The following PIK3CB variants were observed in gnomAD, a reference collection of about 807,000 sequenced individuals.
PIK3CB encodes phosphatidylinositol-4,5-bisphosphate 3-kinase catalytic subunit beta.
A neutral mutation model predicts 136.8 loss-of-function variants in PIK3CB; 39 were observed. That is an observed-to-expected ratio of 0.29 (90% confidence interval 0.22 to 0.37). The LOEUF is 0.37. Ranked by LOEUF, PIK3CB falls within the 10% of genes least tolerant of loss-of-function variation. PIK3CB has a pLI of 1.00. For synonymous variants in PIK3CB, 428 were observed against 436.6 expected, an observed-to-expected ratio of 0.98 and a Z score of 0.25; for missense variants, 868 against 1,275.4, an observed-to-expected ratio of 0.68 and a Z score of 4.87.
At chr3:138,767,931 C>A (rs536658065) in intron 2 of PIK3CB, among the ~76,000 whole-genome samples, 2 of 152,164 alleles carry the variant, frequency 1.3e-5, no homozygotes, top group African/African-American at 4.8e-5. Flanking sequence ...GCCTGCAATG[C>A]GATGAACAAA....
At chr3:138,724,634 C>T (rs2044799487) in intron 8 of PIK3CB, among the ~76,000 whole-genome samples, 2 of 152,120 alleles carry the variant, frequency 1.3e-5, no homozygotes, top group Admixed American at 1.3e-4. Context: ...TGTAAGTCTC[C>T]ATTCATCTTG....
chr3:138,656,147 G>A lies in PIK3CB; in HGVS notation c.3070C>T (p.Leu1024Phe). 6.2e-7 allele frequency: 1 copy of A among 1,614,066 alleles called. No homozygotes were observed. Among genetic ancestry groups the A allele is most frequent in the Non-Finnish European group, 8.5e-7 (1 of 1,179,984 alleles). Residue 1024 changes from leucine to phenylalanine, a missense_variant, in exon 23 of 24, where the codon CTT (leucine) becomes TTT (phenylalanine). Transcript: ENST00000674063. ...ELTSVKDIQY[L>F]KDSLALGKSE... is the part of the protein sequence containing the mutation. ...AAGGAAAAGTGGTTTTATACCTTAAGATACTGTATATCTTTGACTGATGTG... is the reference window on the plus strand; with the variant it reads ...AAGGAAAAGTGGTTTTATACCTTAAAATACTGTATATCTTTGACTGATGTG...
chr3:138,662,045 T>C (rs2043304676), intron 21 of PIK3CB, among the ~76,000 whole-genome samples: 1 of 151,942 alleles, frequency 6.6e-6, no homozygotes, highest in Non-Finnish European at 1.5e-5. Flanking sequence ...TAATTAGGTA[T>C]GATGTTCTAA....
chr3:138,704,717 C>T (rs374874290), intron 11 of PIK3CB, among the ~76,000 whole-genome samples: 4 of 151,942 alleles, frequency 2.6e-5, no homozygotes, highest in African/African-American at 7.2e-5. Flanking sequence ...CTAGGAAGCA[C>T]TAAAATTGTC....
chr3:138,788,634 G>A (rs1159739413), intron 2 of PIK3CB, among the ~76,000 whole-genome samples: 4 of 123,740 alleles, frequency 3.2e-5, no homozygotes, highest in African/African-American at 1.2e-4. Context: ...TCAAGCCTGG[G>A]TGACAGAGCA....
At chr3:138,737,655 A>ATC in intron 6 of PIK3CB, 52 bp downstream of exon 6, 1 of 521,652 alleles carries the variant, frequency 1.9e-6, no homozygotes, top group Non-Finnish European at 2.9e-6. Context: ...ATATATATAT[A>ATC]TATATATATA....
chr3:138,761,090 G>A (rs1204997727), intron 2 of PIK3CB, among the ~76,000 whole-genome samples: 3 of 152,194 alleles, frequency 2.0e-5, no homozygotes, highest in East Asian at 3.9e-4. Flanking sequence ...CTTTACAATC[G>A]TCCGTGTCTG....
At chr3:138,664,935 A>G in intron 20 of PIK3CB, 101 bp downstream of exon 20, 1 of 678,352 alleles carries the variant, frequency 1.5e-6, no homozygotes, top group Non-Finnish European at 2.3e-6. Flanking sequence ...GATAAAAAAC[A>G]CTAATATTTC....
intron 1 of PIK3CB, chr3:138,826,442 T>G: frequency 1.3e-6 from 1 of 797,016 alleles, no homozygotes; most frequent in Non-Finnish European, 2.0e-6. Flanking sequence ...TGGTTAATGA[T>G]AACAATGCAC....
At chr3:138,759,926 T>C (rs182430302) in intron 2 of PIK3CB, among the ~76,000 whole-genome samples, 2,978 of 144,580 alleles carry the variant, frequency 0.021, 44 homozygotes, top group South Asian at 0.05. Flanking sequence ...ACAAGGACAA[T>C]TTTTTTTTTT....
At chr3:138,682,673 C>T (rs1367423292) in intron 18 of PIK3CB, among the ~76,000 whole-genome samples, 1 of 152,166 alleles carries the variant, frequency 6.6e-6, no homozygotes, top group African/African-American at 2.4e-5. Context: ...GAAGAGAGCA[C>T]ATGAAACTAG....
At chr3:138,746,714 C>A (rs2045361607) in intron 4 of PIK3CB, among the ~76,000 whole-genome samples, 1 of 151,484 alleles carries the variant, frequency 6.6e-6, no homozygotes, top group Non-Finnish European at 1.5e-5. Flanking sequence ...ATAAAATTGT[C>A]AAACCATCCT....
intron 1 of PIK3CB, among the ~76,000 whole-genome samples, chr3:138,822,076 T>C (rs192104837): frequency 6.1e-4 from 93 of 151,960 alleles, no homozygotes; most frequent in African/African-American, 2.0e-3. Context: ...AGGTCCACAC[T>C]GCAGAGAGCC....
At chr3:138,668,139 A>G (rs968201079) in intron 19 of PIK3CB, among the ~76,000 whole-genome samples, 3 of 152,144 alleles carry the variant, frequency 2.0e-5, no homozygotes, top group African/African-American at 7.2e-5. Flanking sequence ...CTGTCAAAAT[A>G]CAAAATAAGA....
intron 2 of PIK3CB, among the ~76,000 whole-genome samples, chr3:138,769,346 T>A (rs141202143): frequency 1.3e-5 from 2 of 152,344 alleles, no homozygotes; most frequent in East Asian, 3.9e-4. Flanking sequence ...CAATGAATGA[T>A]GTTTCCTATA....
At chr3:138,793,169 C>A (rs895273939) in intron 2 of PIK3CB, among the ~76,000 whole-genome samples, 10 of 152,048 alleles carry the variant, frequency 6.6e-5, no homozygotes, top group Admixed American at 3.3e-4. Context: ...CTGGAGTGAA[C>A]AAGAACAATA....
intron 4 of PIK3CB, among the ~76,000 whole-genome samples, chr3:138,752,818 C>T (rs946148507): frequency 1.3e-5 from 2 of 152,098 alleles, no homozygotes; most frequent in South Asian, 2.1e-4. Flanking sequence ...AAACAGTATG[C>T]GCAATTCAAT....
chr3:138,740,313 A>G (rs963260573), intron 5 of PIK3CB, among the ~76,000 whole-genome samples: 5 of 152,240 alleles, frequency 3.3e-5, no homozygotes, highest in Admixed American at 2.6e-4. Context: ...AGCCTAGCTC[A>G]TGCTACTGCA....
chr3:138,812,826 G>C (rs984327536), intron 1 of PIK3CB, among the ~76,000 whole-genome samples: 5 of 152,146 alleles, frequency 3.3e-5, no homozygotes, highest in African/African-American at 1.2e-4. Context: ...ACCACACCCA[G>C]CCAGAATGAG....
Sources: gnomAD v4.1 joint callset for allele counts (sites outside exome capture counted in the v4.1 genomes callset) on GRCh38, gnomAD v4.1.1 for gene constraint, MANE v1.5 for transcripts, NCBI Gene and HGNC (gene_info 2026-07-23, HGNC 2026-07-21) for gene names.